The following NRG3 variants were observed in gnomAD, a reference collection of about 807,000 sequenced individuals.
The protein encoded by NRG3 is pro-neuregulin-3, membrane-bound isoform.
In NRG3, 31 loss-of-function variants were observed where a neutral mutation model predicts 66.9. That is an observed-to-expected ratio of 0.46 (90% CI 0.35 to 0.63). The LOEUF is 0.63. Ranked by LOEUF, NRG3 falls within the 20% of genes least tolerant of loss-of-function variation. NRG3 has a pLI of 0.00. For missense variants in NRG3, 910 were observed against 878.9 expected (o/e 1.04, Z -0.45); for synonymous variants, 393 against 359.4 (o/e 1.09, Z -1.06).
intron 1 of NRG3, among the ~76,000 whole-genome samples, chr10:82,279,917 C>G (rs547014372): frequency 6.6e-6 from 1 of 152,250 alleles, no homozygotes; most frequent in South Asian, 2.1e-4. Context: ...ATATAGTGAA[C>G]AAATACTTAG....
At chr10:82,941,079 C>T (rs1848538930) in intron 4 of NRG3, among the ~76,000 whole-genome samples, 1 of 152,108 alleles carries the variant, frequency 6.6e-6, no homozygotes, top group African/African-American at 2.4e-5. Context: ...TTAGTACCTC[C>T]TGGTCATCTC....
rs148125970 is a variant in NRG3, at chr10:81,970,035, A to T, written c.823+93872A>T. Among the ~76,000 whole-genome samples the T allele has an allele frequency of 2.6e-3, 402 of 152,324 alleles. 3 individuals are homozygous for T. Among genetic ancestry groups the T allele is most frequent in the Admixed American group, 0.017 (263 of 15,298 alleles). ...GTAAGACATATAGTAGATTCTCAAT[A>T]AAAACCTGTTTCTTACATTTAAGCT... is the stretch of plus-strand genomic sequence containing the variant. On this transcript the variant is annotated intron_variant, in intron 1 of 8. Coordinates refer to ENST00000372141, the MANE Select transcript of NRG3 (RefSeq NM_001010848.4).
At chr10:82,279,574 A>C (rs1384132862) in intron 1 of NRG3, among the ~76,000 whole-genome samples, 1 of 152,214 alleles carries the variant, frequency 6.6e-6, no homozygotes, top group African/African-American at 2.4e-5. Context: ...TAAAGAATTT[A>C]AAAAGTAAAG....
At chr10:82,766,059 T>C (rs2135121546) in intron 3 of NRG3, among the ~76,000 whole-genome samples, 1 of 152,280 alleles carries the variant, frequency 6.6e-6, no homozygotes, top group South Asian at 2.1e-4. Context: ...TTTTAAATGC[T>C]CTTTTGATAT....
At chr10:82,606,970 G>A (rs773455308) in intron 2 of NRG3, among the ~76,000 whole-genome samples, 3 of 152,050 alleles carry the variant, frequency 2.0e-5, no homozygotes, top group Admixed American at 6.6e-5. Context: ...ACCCATCTAG[G>A]CCCCTTAAAA....
At chr10:82,926,554 A>G (rs957807398) in intron 4 of NRG3, among the ~76,000 whole-genome samples, 1 of 152,212 alleles carries the variant, frequency 6.6e-6, no homozygotes, top group Non-Finnish European at 1.5e-5. Context: ...ATTTTCCTTT[A>G]TATCTCTCTG....
intron 2 of NRG3, among the ~76,000 whole-genome samples, chr10:82,454,772 G>T (rs1022094969): frequency 1.1e-4 from 16 of 152,114 alleles, no homozygotes; most frequent in Non-Finnish European, 2.1e-4. Context: ...CAAACAAAAA[G>T]TTAACAATGA....
At chr10:82,158,315 C>T (rs2071328473) in intron 1 of NRG3, among the ~76,000 whole-genome samples, 1 of 151,704 alleles carries the variant, frequency 6.6e-6, no homozygotes, top group Non-Finnish European at 1.5e-5. Context: ...CAAAATGGCT[C>T]TAAATTTAAT....
chr10:82,494,866 C>G (rs1050910068), intron 2 of NRG3, among the ~76,000 whole-genome samples: 5 of 151,984 alleles, frequency 3.3e-5, no homozygotes, highest in African/African-American at 1.2e-4. Flanking sequence ...GCATGTGAGA[C>G]ATTGGCAGCT....
intron 1 of NRG3, among the ~76,000 whole-genome samples, chr10:81,944,530 GTTAAAC>G (rs1194831653): frequency 6.6e-6 from 1 of 152,134 alleles, no homozygotes; most frequent in South Asian, 2.1e-4. Flanking sequence ...GTTTGAAATG[GTTAAAC>G]TTAAAGATAT....
chr10:82,025,615 C>T (rs2062264912), intron 1 of NRG3, among the ~76,000 whole-genome samples: 1 of 152,008 alleles, frequency 6.6e-6, no homozygotes, highest in African/African-American at 2.4e-5. Flanking sequence ...GCAGGGACTG[C>T]CTGTTCCCTG....
At chr10:82,795,930 T>A in intron 3 of NRG3, among the ~76,000 whole-genome samples, 1 of 152,018 alleles carries the variant, frequency 6.6e-6, no homozygotes. Flanking sequence ...TGGCCTCCCA[T>A]AATCTTGTTT....
chr10:82,042,600 A>G (rs1455900212), intron 1 of NRG3, among the ~76,000 whole-genome samples: 1 of 152,076 alleles, frequency 6.6e-6, no homozygotes, highest in East Asian at 1.9e-4. Flanking sequence ...ACAGTTATAA[A>G]CACATAATAC....
chr10:82,015,196 C>T (rs955618898), intron 1 of NRG3, among the ~76,000 whole-genome samples: 4 of 152,144 alleles, frequency 2.6e-5, no homozygotes, highest in Non-Finnish European at 2.9e-5. Flanking sequence ...AAAATTCTTA[C>T]TTGGGTTCTC....
intron 2 of NRG3, among the ~76,000 whole-genome samples, chr10:82,405,560 G>A (rs1386096839): frequency 6.7e-6 from 1 of 148,768 alleles, no homozygotes; most frequent in East Asian, 2.1e-4. Flanking sequence ...GGGTTCAAGT[G>A]ATTCTCATGC....
At chr10:82,892,540 C>T (rs534437930) in intron 4 of NRG3, among the ~76,000 whole-genome samples, 1 of 152,006 alleles carries the variant, frequency 6.6e-6, no homozygotes, top group Non-Finnish European at 1.5e-5. Flanking sequence ...GTGGCACAGG[C>T]CTGTGGTACT....
chr10:82,892,172 T>A (rs530632847), intron 4 of NRG3, among the ~76,000 whole-genome samples: 1 of 152,300 alleles, frequency 6.6e-6, no homozygotes, highest in East Asian at 1.9e-4. Context: ...AAAGATTTTT[T>A]AAATTCACGT....
chr10:82,693,668 G>A (rs921012141), intron 2 of NRG3, among the ~76,000 whole-genome samples: 1 of 152,190 alleles, frequency 6.6e-6, no homozygotes, highest in Admixed American at 6.5e-5. Context: ...CTGACTTCAA[G>A]AATGAAGCCA....
Position 82,790,651 on chromosome 10 carries a change from C to G in NRG3, c.1027+52001C>G, listed in dbSNP as rs564366517. Among the ~76,000 whole-genome samples the G allele has an allele frequency of 6.6e-5, 10 of 152,166 alleles. No homozygotes were observed. The East Asian group carries it at 1.9e-3, about 29-fold the overall frequency. On this transcript the variant is annotated intron_variant, in intron 3 of 8. Coordinates refer to ENST00000372141, the MANE Select transcript of NRG3 (RefSeq NM_001010848.4). ...GGGGAATTTTCAGCCATAATTTCTT[C>G]AAGTATTCTTTTTGCCTTATTTTCT...
Sources: allele counts gnomAD v4.1 joint callset (sites outside exome capture counted in the v4.1 genomes callset), GRCh38; gene constraint gnomAD v4.1.1; transcripts MANE v1.5; gene names NCBI Gene and HGNC (gene_info 2026-07-23, HGNC 2026-07-21).